The following YAP1 variants were observed in gnomAD, a reference collection of about 807,000 sequenced individuals.
The protein encoded by YAP1 is Yes1 associated transcriptional regulator.
A neutral mutation model predicts 56.9 loss-of-function variants in YAP1; 5 were observed. The ratio of observed to expected loss-of-function variants is 0.09; its 90% confidence interval spans 0.05 to 0.18. The LOEUF is 0.18. YAP1 is among the 10% of genes least tolerant of loss of function. The pLI is 1.00. For synonymous variants in YAP1, 265 were observed against 248.1 expected (o/e 1.07, Z -0.64); for missense variants, 539 against 651.8 (o/e 0.83, Z 1.88).
intron 1 of YAP1, 42 bp from the exon 2 acceptor site, chr11:102,114,102 G>A (rs781153682): frequency 1.3e-6 from 2 of 1,554,626 alleles, no homozygotes; most frequent in Middle Eastern, 1.7e-4. Context: ...ACTCAGTTGT[G>A]TTTTTTCTTT....
chr11:102,176,138 G>T (rs1021425007), intron 3 of YAP1, among the ~76,000 whole-genome samples: 1 of 152,176 alleles, frequency 6.6e-6, no homozygotes, highest in Admixed American at 6.5e-5. Context: ...GCAGACCAAA[G>T]TATCACAAAC....
intron 2 of YAP1, among the ~76,000 whole-genome samples, chr11:102,162,140 G>GT (rs1239574684): frequency 6.6e-6 from 1 of 152,114 alleles, no homozygotes; most frequent in Non-Finnish European, 1.5e-5. Flanking sequence ...TACTCTTTTA[G>GT]TTTACAAACT....
intron 3 of YAP1, among the ~76,000 whole-genome samples, chr11:102,172,722 A>G (rs1428010345): frequency 6.6e-6 from 1 of 152,164 alleles, no homozygotes; most frequent in Non-Finnish European, 1.5e-5. Context: ...AGAAAGAAAA[A>G]TAGACCAGTT....
At chr11:102,215,084 AT>A (rs1949597403) in intron 6 of YAP1, among the ~76,000 whole-genome samples, 1 of 152,230 alleles carries the variant, frequency 6.6e-6, no homozygotes, top group South Asian at 2.1e-4. Flanking sequence ...CAGTGTTTTA[AT>A]GACTTTAGAA....
intron 2 of YAP1, among the ~76,000 whole-genome samples, chr11:102,135,938 C>G (rs1227066433): frequency 6.6e-6 from 1 of 152,112 alleles, no homozygotes; most frequent in African/African-American, 2.4e-5. Context: ...TATAGCTAGA[C>G]CACAGTTTAT....
chr11:102,220,613 A>G (rs967609598), intron 6 of YAP1, among the ~76,000 whole-genome samples: 2 of 152,188 alleles, frequency 1.3e-5, no homozygotes, highest in Non-Finnish European at 2.9e-5. Context: ...AAAATAAGAT[A>G]CCAAAAGACA....
rs1323629809 is a variant in YAP1 at position 102,114,308 on chromosome 11, G to C, written c.486G>C (p.Gln162His). The C allele has an allele frequency of 6.2e-7, 1 of 1,614,052 alleles. No homozygotes were observed. Among genetic ancestry groups the C allele is most frequent in the Non-Finnish European group, 8.5e-7 (1 of 1,180,014 alleles). Residue 162 changes from glutamine to histidine, a missense_variant, in exon 2 of 9, where the codon CAG becomes CAC. Around this residue, in one of 4 missense-constraint regions of YAP1, gnomAD observed 414 missense variants for 512.4 expected, o/e 0.81. Transcript: ENST00000282441. Reference protein sequence around the residue: ...AATPTAQHLRQSSFEIPDDVP... With the variant: ...AATPTAQHLRHSSFEIPDDVP... The stretch of plus-strand genomic sequence containing the variant: ...CACCCACAGCTCAGCATCTTCGACA[G>C]TCTTCTTTTGAGATACCTGATGATG...
In YAP1 at chr11:102,186,136, A is replaced by T; in HGVS notation, c.802+5A>T. 6.2e-7 allele frequency: 1 copy of T among 1,610,412 alleles called. No homozygotes were observed. Among genetic ancestry groups the T allele is most frequent in the Non-Finnish European group, 8.5e-7 (1 of 1,178,504 alleles). On this transcript the variant is annotated splice_donor_5th_base_variant and intron_variant, in intron 4 of 8. Coordinates refer to ENST00000282441, the MANE Select transcript of YAP1 (RefSeq NM_001130145.3). Reference sequence around the variant, plus strand: ...CAAGGCTTGACCCTCGTTTTGGTAAAGGTTCATCTCAAAACCTTTTTAGAT... The same window carrying T: ...CAAGGCTTGACCCTCGTTTTGGTAATGGTTCATCTCAAAACCTTTTTAGAT...
intron 2 of YAP1, among the ~76,000 whole-genome samples, chr11:102,136,090 A>C (rs1467222738): frequency 6.6e-6 from 1 of 152,204 alleles, no homozygotes; most frequent in Admixed American, 6.5e-5. Context: ...GCTGGGTCAC[A>C]GGGTATGTCC....
intron 2 of YAP1, among the ~76,000 whole-genome samples, chr11:102,124,425 C>T (rs766401723): frequency 2.0e-5 from 3 of 152,120 alleles, no homozygotes; most frequent in Non-Finnish European, 4.4e-5. Context: ...TAAAGAAACT[C>T]GGTCTTCAAT....
intron 1 of YAP1, among the ~76,000 whole-genome samples, chr11:102,111,822 C>G (rs762021973): frequency 2.6e-5 from 4 of 152,088 alleles, no homozygotes; most frequent in Admixed American, 6.6e-5. Flanking sequence ...TTCCTTCCCC[C>G]CTCCCGTTTC....
At chr11:102,207,234 T>G (rs1949167274) in intron 5 of YAP1, among the ~76,000 whole-genome samples, 1 of 152,120 alleles carries the variant, frequency 6.6e-6, no homozygotes, top group South Asian at 2.1e-4. Context: ...TTTTCCCTGT[T>G]TTTCTAGTTC....
At chr11:102,169,256 GATAAA>G (rs1385943892) in intron 3 of YAP1, among the ~76,000 whole-genome samples, 7 of 148,680 alleles carry the variant, frequency 4.7e-5, no homozygotes, top group African/African-American at 1.6e-4. Context: ...GTATAAATGT[GATAAA>G]ATAAATGTGA....
chr11:102,150,406 T>A (rs552472349), intron 2 of YAP1, among the ~76,000 whole-genome samples: 1 of 152,338 alleles, frequency 6.6e-6, no homozygotes, highest in African/African-American at 2.4e-5. Context: ...AGTCAGTGTC[T>A]TGGGAGATTT....
At chr11:102,123,621 C>T (rs963921313) in intron 2 of YAP1, among the ~76,000 whole-genome samples, 29 of 147,070 alleles carry the variant, frequency 2.0e-4, no homozygotes, top group East Asian at 6.0e-4. Flanking sequence ...GGCATTACTC[C>T]GTTTTCTTTT....
intron 4 of YAP1, among the ~76,000 whole-genome samples, chr11:102,193,526 T>C (rs1325415577): frequency 6.6e-6 from 1 of 152,222 alleles, no homozygotes; most frequent in South Asian, 2.1e-4. Context: ...TTATCAGTTA[T>C]GGTAAGCAAT....
intron 3 of YAP1, among the ~76,000 whole-genome samples, chr11:102,181,989 T>G (rs1403602028): frequency 2.0e-5 from 3 of 151,896 alleles, no homozygotes; most frequent in Non-Finnish European, 4.4e-5. Context: ...CCCGGCTAAT[T>G]TTTTGTATTT....
chr11:102,226,303 C>G (rs900897431), intron 7 of YAP1, among the ~76,000 whole-genome samples: 2 of 150,728 alleles, frequency 1.3e-5, no homozygotes, highest in East Asian at 3.9e-4. Flanking sequence ...TAGAGTAAAC[C>G]AGTGATGGCA....
At chr11:102,223,493 G>A in intron 6 of YAP1, 129 bp from the exon 7 acceptor site, 4 of 967,892 alleles carry the variant, frequency 4.1e-6, no homozygotes, top group South Asian at 3.6e-5. Context: ...ATTGGGAAAT[G>A]TATTAACTTT....
Sources: allele counts gnomAD v4.1 joint callset (sites outside exome capture counted in the v4.1 genomes callset), GRCh38; gene constraint gnomAD v4.1.1; regional missense constraint gnomAD v4.1.1; transcripts MANE v1.5; gene names NCBI Gene and HGNC (gene_info 2026-07-23, HGNC 2026-07-21).